The following ARHGEF7 variants were observed in gnomAD, a reference collection of about 807,000 sequenced individuals.
ARHGEF7 encodes the protein Rho guanine nucleotide exchange factor 7.
A neutral mutation model predicts 109.8 loss-of-function variants in ARHGEF7; 33 were observed. The ratio of observed to expected loss-of-function variants is 0.30; its 90% CI spans 0.23 to 0.40. The LOEUF (loss-of-function observed/expected upper bound fraction) is 0.40, where lower values mean the gene tolerates loss of function less well. Among genes scored for constraint, ARHGEF7 ranks in the 10% least tolerant of loss-of-function variants. ARHGEF7 has a pLI of 1.00. For missense variants in ARHGEF7, 938 were observed against 1,098.5 expected, an observed-to-expected ratio of 0.85 and a Z score of 2.07; for synonymous variants, 458 against 424.6, an observed-to-expected ratio of 1.08 and a Z score of -0.97.
At chr13:111,183,188 C>T (rs1051310049) in intron 2 of ARHGEF7, among the ~76,000 whole-genome samples, 35 of 152,170 alleles carry the variant, frequency 2.3e-4, no homozygotes, top group Middle Eastern at 3.2e-3. Context: ...TCACATTGCA[C>T]GCACGCTATG....
At chr13:111,265,899 G>A (rs2091588849) in intron 8 of ARHGEF7, among the ~76,000 whole-genome samples, 1 of 152,140 alleles carries the variant, frequency 6.6e-6, no homozygotes, top group Admixed American at 6.5e-5. Context: ...TCTGTTGTTG[G>A]AAAATTACCC....
chr13:111,185,842 A>G (rs887965204), intron 2 of ARHGEF7, among the ~76,000 whole-genome samples: 1 of 152,054 alleles, frequency 6.6e-6, no homozygotes, highest in African/African-American at 2.4e-5. Flanking sequence ...GCTGTGGGAC[A>G]CCACTGTCTC....
chr13:111,127,642 G>C (rs1273890696), intron 1 of ARHGEF7, among the ~76,000 whole-genome samples: 1 of 101,598 alleles, frequency 9.8e-6, no homozygotes, highest in East Asian at 3.2e-4. Flanking sequence ...GTGAGACTCT[G>C]TTTCAGAAAA....
At chr13:111,260,053 A>C (rs2090916393) in intron 8 of ARHGEF7, among the ~76,000 whole-genome samples, 1 of 152,212 alleles carries the variant, frequency 6.6e-6, no homozygotes, top group Non-Finnish European at 1.5e-5. Flanking sequence ...AGGCCATCTA[A>C]AAATACACAG....
At chr13:111,250,262 T>C (rs1186899487) in intron 8 of ARHGEF7, among the ~76,000 whole-genome samples, 2 of 152,214 alleles carry the variant, frequency 1.3e-5, no homozygotes. Context: ...GTTGTGAGGT[T>C]GTGATAGCTG....
chr13:111,256,299 G>T (rs543439844), intron 8 of ARHGEF7, among the ~76,000 whole-genome samples: 1 of 152,348 alleles, frequency 6.6e-6, no homozygotes, highest in African/African-American at 2.4e-5. Context: ...TAAATGGCAT[G>T]TAGGGAGGCA....
intron 5 of ARHGEF7, among the ~76,000 whole-genome samples, chr13:111,221,506 T>C (rs1364268678): frequency 1.6e-5 from 1 of 62,718 alleles, no homozygotes; most frequent in Non-Finnish European, 3.0e-5. Context: ...TATATATCTA[T>C]ATATATAGAT....
At chr13:111,140,631 G>A (rs981919361) in intron 1 of ARHGEF7, among the ~76,000 whole-genome samples, 4 of 152,150 alleles carry the variant, frequency 2.6e-5, no homozygotes, top group African/African-American at 7.2e-5. Context: ...GAGCGATTGT[G>A]TAGTACCTGC....
intron 4 of ARHGEF7, among the ~76,000 whole-genome samples, chr13:111,215,489 C>T (rs999697644): frequency 1.3e-5 from 2 of 152,006 alleles, no homozygotes; most frequent in African/African-American, 4.8e-5. Context: ...CTAGGCCTGT[C>T]GTCCCCATGG....
In ARHGEF7 at chr13:111,283,161, C is replaced by T. The variant is rs775468277; in HGVS notation, c.1748C>T (p.Pro583Leu). The change falls in exon 16 of 22, where the codon CCG (proline) becomes CTG (leucine). Residue 583 changes from proline (P) to leucine (L), a missense_variant. This residue lies in a region of ARHGEF7 where 585 missense variants were observed against 723.6 expected (regional missense o/e 0.81). Coordinates refer to ENST00000646102, the MANE Select transcript of ARHGEF7 (RefSeq NM_001354046.2). ...SHTLPSHPVTPSSKHADSKPA... is the reference protein window; with the variant it reads ...SHTLPSHPVTLSSKHADSKPA... ...CAGCTCCCCTCCCACCCGGTCACTC[C>T]GTCCAGCAAGCACGCAGACAGCAAG... The T allele has an allele frequency of 1.6e-5, 26 of 1,592,704 alleles. No individual in the cohort carries two copies. The highest frequency in any genetic ancestry group is 6.8e-5 in the East Asian group (3 of 44,078).
At chr13:111,167,159 G>A (rs528056136) in intron 2 of ARHGEF7, among the ~76,000 whole-genome samples, 21 of 152,254 alleles carry the variant, frequency 1.4e-4, no homozygotes, top group Admixed American at 4.6e-4. Context: ...CCTCTTTATC[G>A]TCAGAAAATC....
rs984955230 is a variant in ARHGEF7, at chr13:111,234,318, G to A, written c.759+1025G>A. On this transcript the variant is annotated intron_variant, in intron 6 of 21. Transcript: ENST00000646102. ...GAGCTGTGCCACCGTCTTGTGCTGC[G>A]GGGCTTGCACTCTCAGCTTCCTCCT... 1.7e-4 allele frequency among the ~76,000 whole-genome samples: 26 copies of A among 152,250 alleles called. 1 individual carries two copies. The highest frequency in any genetic ancestry group is 3.4e-3 in the Middle Eastern group (1 of 294).
intron 2 of ARHGEF7, among the ~76,000 whole-genome samples, chr13:111,168,266 T>TGCGGTGTGCGACAGCTGTGTGAGGCC (rs367987309): frequency 0.04 from 6,098 of 152,148 alleles, 143 homozygotes; most frequent in African/African-American, 0.048. Flanking sequence ...ACTCTGTCTC[T>TGCGGTGTGCGACAGCTGTGTGAGGCC]GCGGTGTGCG....
At chr13:111,133,548 C>CA (rs1433385322) in intron 1 of ARHGEF7, among the ~76,000 whole-genome samples, 1 of 151,408 alleles carries the variant, frequency 6.6e-6, no homozygotes, top group Non-Finnish European at 1.5e-5. Context: ...TCAGTGATGT[C>CA]ACTGACATCA....
At chr13:111,249,169 C>G (rs900214773) in intron 8 of ARHGEF7, among the ~76,000 whole-genome samples, 5 of 152,132 alleles carry the variant, frequency 3.3e-5, no homozygotes, top group South Asian at 4.1e-4. Flanking sequence ...GAACCAAACC[C>G]TGTGGATTTT....
intron 4 of ARHGEF7, among the ~76,000 whole-genome samples, chr13:111,217,380 T>C (rs1228855664): frequency 6.6e-6 from 1 of 152,218 alleles, no homozygotes; most frequent in Non-Finnish European, 1.5e-5. Context: ...GTCTTAACTT[T>C]TGTGACTTGT....
chr13:111,153,834 C>A, intron 1 of ARHGEF7, 71 bp from the exon 2 acceptor site: 1 of 1,543,156 alleles, frequency 6.5e-7, no homozygotes, highest in Non-Finnish European at 8.7e-7. Context: ...GGGCCGTGGG[C>A]GTCGCTCGGC....
chr13:111,209,857 G>A lies in ARHGEF7; in HGVS notation c.338-15G>A. On this transcript the variant is annotated splice_polypyrimidine_tract_variant and intron_variant, in intron 3 of 21. Transcript: ENST00000646102. ...CGCTCTCAGCTCTCTTTTTCTGTGT[G>A]CATGCTCTTTGCAGACATCGGGCTG... is the stretch of plus-strand genomic sequence containing the variant. The A allele has an allele frequency of 6.2e-7, 1 of 1,613,224 alleles. No individual in the cohort carries two copies. Among genetic ancestry groups the A allele is most frequent in the Middle Eastern group, 1.7e-4 (1 of 6,040 alleles).
intron 19 of ARHGEF7, among the ~76,000 whole-genome samples, chr13:111,300,293 G>C (rs1219836271): frequency 6.6e-6 from 1 of 152,162 alleles, no homozygotes; most frequent in Non-Finnish European, 1.5e-5. Context: ...GTAATATCTT[G>C]ATTATTAAAT....
Sources: gnomAD v4.1 joint callset for allele counts (sites outside exome capture counted in the v4.1 genomes callset) on GRCh38, gnomAD v4.1.1 for gene constraint, gnomAD v4.1.1 regional missense constraint, MANE v1.5 for transcripts, NCBI Gene and HGNC (gene_info 2026-07-23, HGNC 2026-07-21) for gene names.